The following UHMK1 variants were observed in gnomAD, a reference collection of about 807,000 sequenced individuals.
UHMK1 encodes the protein serine/threonine-protein kinase Kist.
In UHMK1, 18 loss-of-function variants were observed where a neutral mutation model predicts 44.0. The observed-to-expected ratio is 0.41, with a 90% CI of 0.28 to 0.61. UHMK1 has a LOEUF of 0.61. Among genes scored for constraint, UHMK1 ranks in the 20% least tolerant of loss-of-function variants. UHMK1 has a pLI of 0.31. For missense variants in UHMK1, 463 were observed against 522.5 expected, an observed-to-expected ratio of 0.89 and a Z score of 1.11; for synonymous variants, 231 against 198.5, an observed-to-expected ratio of 1.16 and a Z score of -1.38.
chr1:162,504,474 T>C (rs1651397658), intron 4 of UHMK1, among the ~76,000 whole-genome samples: 1 of 152,224 alleles, frequency 6.6e-6, no homozygotes, highest in Non-Finnish European at 1.5e-5. Context: ...TTGCACAGTC[T>C]ATTGCTCTTA....
chr1:162,513,545 T>C (rs534019401), intron 6 of UHMK1, among the ~76,000 whole-genome samples: 10 of 152,220 alleles, frequency 6.6e-5, no homozygotes, highest in Non-Finnish European at 1.3e-4. Flanking sequence ...TACTATACAA[T>C]GGCAGAAAGG....
At chr1:162,515,019 A>G (rs1651786701) in intron 6 of UHMK1, among the ~76,000 whole-genome samples, 1 of 152,182 alleles carries the variant, frequency 6.6e-6, no homozygotes, top group African/African-American at 2.4e-5. Context: ...TCAGGTCTTA[A>G]CTATTATTTT....
chr1:162,499,857 C>A, intron 1 of UHMK1, 98 bp from the exon 2 acceptor site: 2 of 1,146,284 alleles, frequency 1.7e-6, no homozygotes, highest in Non-Finnish European at 2.5e-6. Context: ...TCAAAGTTAT[C>A]CTTATCTAGA....
At chr1:162,503,611 C>CAAAAA (rs33964112) in intron 3 of UHMK1, 143 bp from the exon 4 acceptor site, 13 of 358,270 alleles carry the variant, frequency 3.6e-5, no homozygotes, top group Non-Finnish European at 5.9e-5. Flanking sequence ...ACCCTGTCTC[C>CAAAAA]AAAAAAAAAA....
At chr1:162,507,376 C>T (rs1166674128) in intron 4 of UHMK1, among the ~76,000 whole-genome samples, 2 of 151,870 alleles carry the variant, frequency 1.3e-5, no homozygotes, top group African/African-American at 2.4e-5. Context: ...CCTTGGCCTC[C>T]GAAAGTGCTG....
chr1:162,515,682 A>C (rs1195590744), intron 6 of UHMK1, among the ~76,000 whole-genome samples: 1 of 152,176 alleles, frequency 6.6e-6, no homozygotes, highest in Non-Finnish European at 1.5e-5. Flanking sequence ...TCGTCTTTGT[A>C]AAGACCTGCT....
chr1:162,503,225 A>G (rs1334586522), intron 3 of UHMK1, among the ~76,000 whole-genome samples: 1 of 150,718 alleles, frequency 6.6e-6, no homozygotes. Flanking sequence ...TTCATCTAGT[A>G]GATGTTCATA....
chr1:162,502,325 T>C (rs923860905), intron 3 of UHMK1, among the ~76,000 whole-genome samples: 4 of 152,254 alleles, frequency 2.6e-5, no homozygotes, highest in African/African-American at 9.6e-5. Context: ...TTTGTTTCTT[T>C]TAAACACCTG....
intron 6 of UHMK1, among the ~76,000 whole-genome samples, chr1:162,516,033 CAA>C (rs1158942603): frequency 8.0e-6 from 1 of 124,372 alleles, no homozygotes. Context: ...GACTCCGTCT[CAA>C]AAAAAAAAAA....
In UHMK1 at chr1:162,524,233, C is replaced by T. The variant is rs1242760595; in HGVS notation, c.*1683C>T. 6.6e-6 allele frequency: 1 copy of T among 152,094 alleles called. No individual in the cohort carries two copies. Among genetic ancestry groups the T allele is most frequent in the Non-Finnish European group, 1.5e-5 (1 of 68,016 alleles). The allele number at this position is 152,094 out of a possible 1,614,324, so 9.4% of individuals were successfully genotyped here. A position where few individuals can be genotyped will look rare whatever the true frequency, so the allele number is the denominator to read the frequency against. On this transcript the variant is annotated 3_prime_UTR_variant, in exon 8 of 8. Coordinates refer to ENST00000489294, the MANE Select transcript of UHMK1 (RefSeq NM_175866.5). ...TTTTACAGAATGAAATACTTTACCC[C>T]ATTCAAACAATTATTGTTTGACATT... is the stretch of plus-strand genomic sequence containing the variant.
chr1:162,498,186 C>A lies in UHMK1; in HGVS notation c.186C>A (p.Thr62=), dbSNP rs761470637. ...ALKQFLPPGT[T]GAAASAAEYG... Reference sequence around the variant, plus strand: ...AGCAGTTCTTGCCGCCAGGAACCACCGGGGCTGCGGCCTCTGCCGCCGAGT... The same window carrying A: ...AGCAGTTCTTGCCGCCAGGAACCACAGGGGCTGCGGCCTCTGCCGCCGAGT... The change falls in exon 1 of 8, where the codon ACC becomes ACA. Residue 62 remains threonine, a synonymous_variant. Transcript: ENST00000489294. 10 of 1,612,868 alleles carry A rather than the reference C, an allele frequency of 6.2e-6. No homozygotes were observed. The African/African-American group carries it at 1.2e-4, about 19-fold the overall frequency.
At chr1:162,520,142 A>G (rs1273220824) in intron 7 of UHMK1, among the ~76,000 whole-genome samples, 2 of 152,208 alleles carry the variant, frequency 1.3e-5, no homozygotes, top group African/African-American at 4.8e-5. Context: ...ATCCAACCCG[A>G]TTCAGTCTCC....
intron 6 of UHMK1, chr1:162,513,201 A>G: frequency 9.6e-6 from 2 of 207,676 alleles, no homozygotes; most frequent in Admixed American, 5.3e-5. Context: ...CAGCCTCTCA[A>G]AGTGCTGAGA....
At chr1:162,497,767 C>T (rs1557937551), upstream of UHMK1, 2 of 1,223,524 alleles carry the variant, frequency 1.6e-6, no homozygotes, top group African/African-American at 1.9e-5. Context: ...CCCTTCTGAG[C>T]CCCCCCTCCT....
chr1:162,508,369 C>T (rs1189326699), intron 4 of UHMK1, among the ~76,000 whole-genome samples: 1 of 151,734 alleles, frequency 6.6e-6, no homozygotes, highest in Non-Finnish European at 1.5e-5. Flanking sequence ...GCCTCAGCCT[C>T]CCAAAGTGCT....
At chr1:162,505,675 A>G (rs1327100404) in intron 4 of UHMK1, among the ~76,000 whole-genome samples, 1 of 152,210 alleles carries the variant, frequency 6.6e-6, no homozygotes, top group Non-Finnish European at 1.5e-5. Context: ...GTCATTGTGC[A>G]GTATATGACT....
At chr1:162,499,208 C>G (rs1380764609) in intron 1 of UHMK1, among the ~76,000 whole-genome samples, 3 of 151,682 alleles carry the variant, frequency 2.0e-5, no homozygotes, top group Non-Finnish European at 4.4e-5. Flanking sequence ...CAAGTTCTTA[C>G]TCTGTCACCC....
intron 4 of UHMK1, among the ~76,000 whole-genome samples, chr1:162,510,476 T>C (rs1651627691): frequency 1.3e-5 from 2 of 152,322 alleles, no homozygotes; most frequent in Non-Finnish European, 2.9e-5. Flanking sequence ...GATCATGCTG[T>C]ATTTGTCTTT....
intron 1 of UHMK1, among the ~76,000 whole-genome samples, chr1:162,499,465 C>G (rs1315614147): frequency 6.6e-6 from 1 of 152,166 alleles, no homozygotes; most frequent in Non-Finnish European, 1.5e-5. Context: ...CCGTGGCAGA[C>G]CTAGACTGCT....
Sources: allele counts gnomAD v4.1 joint callset (sites outside exome capture counted in the v4.1 genomes callset), GRCh38; gene constraint gnomAD v4.1.1; transcripts MANE v1.5; gene names NCBI Gene and HGNC (gene_info 2026-07-23, HGNC 2026-07-21).